Variants in FTCDNL1 observed in about 807,000 individuals in gnomAD.
FTCDNL1 encodes formiminotransferase N-terminal subdomain-containing protein.
A neutral mutation model predicts 5.9 loss-of-function variants in FTCDNL1; 11 were observed. That is an observed-to-expected ratio of 1.87 (90% CI 1.18 to 3.10). The LOEUF (loss-of-function observed/expected upper bound fraction) is 3.10. FTCDNL1 is among the 30% of genes most tolerant of loss of function. The pLI is 0.00. For synonymous variants in FTCDNL1, 58 were observed against 24.8 expected (o/e 2.34, Z -3.99); for missense variants, 115 against 65.5 (o/e 1.76, Z -2.61).
Position 199,777,293 on chromosome 2 carries a change from C to CA in FTCDNL1, c.212-16459dup, listed in dbSNP as rs527796212. 6.7e-5 allele frequency among the ~76,000 whole-genome samples: 10 copies of CA among 149,702 alleles called. No individual in the cohort carries two copies. The East Asian group carries it at 1.8e-3, about 27-fold the overall frequency. ...GGGTGACAGAGCAAGACTCTGTCTC[C>CA]AAAAAAAGAAAAAAAGAAAGAAAGA... On this transcript the variant is annotated intron_variant, in intron 3 of 3. Coordinates refer to the FTCDNL1 transcript ENST00000416668.
chr2:199,675,230 C>T, the FTCDNL1 span, among the ~76,000 whole-genome samples: 46 of 152,004 alleles, frequency 3.0e-4, no homozygotes, highest in Non-Finnish European at 6.3e-4. Flanking sequence ...CTTTATTGTC[C>T]CACTCTTGCT....
chr2:199,704,944 C>G, the FTCDNL1 span, among the ~76,000 whole-genome samples: 11 of 152,250 alleles, frequency 7.2e-5, no homozygotes, highest in African/African-American at 2.6e-4. Context: ...TTTCTCCCCA[C>G]TAAGAGGACT....
At chr2:199,688,573 A>G in the FTCDNL1 span, among the ~76,000 whole-genome samples, 3 of 152,200 alleles carry the variant, frequency 2.0e-5, no homozygotes, top group Non-Finnish European at 4.4e-5. Context: ...GTTCACAGGG[A>G]AAAGTGGACA....
the FTCDNL1 span, among the ~76,000 whole-genome samples, chr2:199,711,013 A>G: frequency 6.6e-6 from 1 of 152,116 alleles, no homozygotes; most frequent in Admixed American, 6.6e-5. Flanking sequence ...AGAGTTGCTC[A>G]TGACTTTGAA....
the FTCDNL1 span, among the ~76,000 whole-genome samples, chr2:199,709,957 CATT>C: frequency 2.0e-5 from 3 of 150,766 alleles, no homozygotes; most frequent in African/African-American, 5.0e-5. Flanking sequence ...AGTTGATCAT[CATT>C]ATTCTCAGCT....
chr2:199,693,480 G>A, the FTCDNL1 span, among the ~76,000 whole-genome samples: 1 of 152,188 alleles, frequency 6.6e-6, no homozygotes, highest in African/African-American at 2.4e-5. Flanking sequence ...AGTGCATTGA[G>A]TGACAAATCT....
chr2:199,735,114 A>AG, the FTCDNL1 span, among the ~76,000 whole-genome samples: 1 of 123,788 alleles, frequency 8.1e-6, no homozygotes, highest in African/African-American at 3.2e-5. Flanking sequence ...CACTACCTTT[A>AG]GAAAAAAAAA....
chr2:199,777,412 G>A (rs1378606935), intron 3 of FTCDNL1, among the ~76,000 whole-genome samples: 4 of 152,210 alleles, frequency 2.6e-5, no homozygotes, highest in Non-Finnish European at 5.9e-5. Flanking sequence ...AAGAGTTGAT[G>A]CTGCAGCTCA....
chr2:199,796,725 A>T (rs1700190835), intron 3 of FTCDNL1, among the ~76,000 whole-genome samples: 1 of 152,148 alleles, frequency 6.6e-6, no homozygotes, highest in Non-Finnish European at 1.5e-5. Flanking sequence ...ATATTACAAA[A>T]TTTGCTCATG....
At chr2:199,724,436 G>C in the FTCDNL1 span, among the ~76,000 whole-genome samples, 1 of 151,982 alleles carries the variant, frequency 6.6e-6, no homozygotes, top group East Asian at 1.9e-4. Context: ...TTTGGGGTCT[G>C]TTTGCTCTTG....
chr2:199,779,708 G>A (rs1034027006), intron 3 of FTCDNL1, among the ~76,000 whole-genome samples: 1 of 152,216 alleles, frequency 6.6e-6, no homozygotes, highest in Non-Finnish European at 1.5e-5. Context: ...CCATGGCCCA[G>A]TGTGGTTTGT....
At chr2:199,827,175 C>T (rs539386504) in intron 3 of FTCDNL1, among the ~76,000 whole-genome samples, 1 of 152,276 alleles carries the variant, frequency 6.6e-6, no homozygotes, top group South Asian at 2.1e-4. Flanking sequence ...CTAATCAGAC[C>T]TCTGGAGCTA....
chr2:199,776,978 G>C (rs1379401829), intron 3 of FTCDNL1, among the ~76,000 whole-genome samples: 13 of 150,610 alleles, frequency 8.6e-5, no homozygotes, highest in Non-Finnish European at 1.8e-4. Context: ...GTGTGTGTGT[G>C]TGTGTGTGTG....
intron 3 of FTCDNL1, among the ~76,000 whole-genome samples, chr2:199,842,183 A>G (rs2076607721): frequency 6.6e-6 from 1 of 151,880 alleles, no homozygotes; most frequent in Non-Finnish European, 1.5e-5. Context: ...CATGAGAATC[A>G]CTTGAGTCTG....
At position 199,831,205 on chromosome 2, in the gene FTCDNL1, A is replaced by T. The variant is rs577149240; in HGVS notation, c.212-11448T>A. On this transcript the variant is annotated intron_variant, in intron 3 of 4. Coordinates refer to ENST00000420128, the MANE Select transcript of FTCDNL1 (RefSeq NM_001363886.2). ...CATGACAGTAAAAAATAAAATGCAAAGAAAAAACTTATTTATTATGGAAAT... is the reference window on the plus strand; with the variant it reads ...CATGACAGTAAAAAATAAAATGCAATGAAAAAACTTATTTATTATGGAAAT... Among the ~76,000 whole-genome samples the T allele has an allele frequency of 3.3e-5, 5 of 152,376 alleles. No homozygotes were observed. In the East Asian group the frequency reaches 9.6e-4, roughly 29 times the overall value.
chr2:199,788,158 T>G (rs1226642708), intron 3 of FTCDNL1, among the ~76,000 whole-genome samples: 5 of 152,238 alleles, frequency 3.3e-5, no homozygotes. Flanking sequence ...TTTTACAAAG[T>G]AGTGCTTAAG....
intron 3 of FTCDNL1, among the ~76,000 whole-genome samples, chr2:199,772,159 C>T (rs1022524074): frequency 1.3e-5 from 2 of 152,158 alleles, no homozygotes; most frequent in Non-Finnish European, 2.9e-5. Flanking sequence ...GTGGCATAGA[C>T]AGTGTGGATA....
intron 3 of FTCDNL1, among the ~76,000 whole-genome samples, chr2:199,791,706 C>A (rs1699934374): frequency 6.6e-6 from 1 of 152,066 alleles, no homozygotes; most frequent in African/African-American, 2.4e-5. Context: ...TAATGTTATG[C>A]AGTCAAGGCC....
chr2:199,838,329 G>C lies in FTCDNL1; in HGVS notation c.211+7746C>G, dbSNP rs140923343. Among the ~76,000 whole-genome samples, 349 of 152,234 alleles carry C rather than the reference G, an allele frequency of 2.3e-3. 2 individuals are homozygous for C. Among genetic ancestry groups the C allele is most frequent in the African/African-American group, 7.6e-3 (314 of 41,518 alleles). On this transcript the variant is annotated intron_variant, in intron 3 of 4. Transcript: ENST00000420128. Reference sequence around the variant, plus strand: ...TGAGGTGAATGCATTGTTCCTGAAAGATCCAAGATGATTTAAAATCGCCAA... The same window carrying C: ...TGAGGTGAATGCATTGTTCCTGAAACATCCAAGATGATTTAAAATCGCCAA...
Sources: allele counts gnomAD v4.1 joint callset (sites outside exome capture counted in the v4.1 genomes callset), GRCh38; gene constraint gnomAD v4.1.1; transcripts MANE v1.5; gene names NCBI Gene and HGNC (gene_info 2026-07-23, HGNC 2026-07-21).